Variants in GNB5 observed in about 807,000 individuals in gnomAD.
The protein encoded by GNB5 is G protein subunit beta 5, also known as guanine nucleotide-binding protein subunit beta-5.
In GNB5, 37 loss-of-function variants were observed where a neutral mutation model predicts 55.3. That is an observed-to-expected ratio of 0.67 (90% CI 0.51 to 0.88). The LOEUF (loss-of-function observed/expected upper bound fraction) is 0.88. Among genes scored for constraint, GNB5 ranks in the 40% least tolerant of loss-of-function variants. GNB5 has a pLI of 0.00. For missense variants in GNB5, 476 were observed against 515.3 expected (o/e 0.92, Z 0.74); for synonymous variants, 219 against 198.5 (o/e 1.10, Z -0.87).
chr15:52,183,192 C>T (rs1304601664), intron 2 of GNB5, among the ~76,000 whole-genome samples: 1 of 152,184 alleles, frequency 6.6e-6, no homozygotes, highest in Non-Finnish European at 1.5e-5. Flanking sequence ...GCAACTATTC[C>T]CTAGAAAAGT....
intron 3 of GNB5, among the ~76,000 whole-genome samples, chr15:52,158,048 T>C (rs2034252671): frequency 6.6e-6 from 1 of 152,078 alleles, no homozygotes; most frequent in Non-Finnish European, 1.5e-5. Flanking sequence ...TATAACCAGC[T>C]GGTTTCTATA....
intron 3 of GNB5, among the ~76,000 whole-genome samples, chr15:52,177,842 G>A (rs2034683116): frequency 6.6e-6 from 1 of 152,082 alleles, no homozygotes. Flanking sequence ...CATGACTTCT[G>A]GTCTTTCCAG....
In GNB5 at chr15:52,136,113, AACACACACAC is replaced by A. The variant is rs751263225; in HGVS notation, c.628-367_628-358del. Reference sequence around the variant, plus strand: ...CACACACACACAGGGAAAAGCAGAAAACACACACACACACACACACACACACACACACACA... The same window carrying A: ...CACACACACACAGGGAAAAGCAGAAAACACACACACACACACACACACACA... On this transcript the variant is annotated intron_variant, in intron 7 of 12. Coordinates refer to ENST00000261837, the MANE Select transcript of GNB5 (RefSeq NM_016194.4). Among the ~76,000 whole-genome samples, 364 of 50,726 alleles carry A rather than the reference AACACACACAC, an allele frequency of 7.2e-3. 3 individuals carry two copies. Among genetic ancestry groups the A allele is most frequent in the Admixed American group, 7.3e-3 (27 of 3,708 alleles). 33.3% of individuals were successfully genotyped at this position (50,726 alleles called of 152,430 possible).
At chr15:52,176,737 C>T (rs939349218) in intron 3 of GNB5, among the ~76,000 whole-genome samples, 1 of 152,208 alleles carries the variant, frequency 6.6e-6, no homozygotes, top group Non-Finnish European at 1.5e-5. Context: ...CACTTCATTT[C>T]CCTCCCTCAA....
chr15:52,150,379 T>G (rs143455111), intron 4 of GNB5, among the ~76,000 whole-genome samples: 8 of 152,310 alleles, frequency 5.3e-5, no homozygotes, highest in South Asian at 2.1e-4. Flanking sequence ...CCGATTTGCT[T>G]TGGAGTCCAT....
chr15:52,188,264 C>A (rs746427176), intron 1 of GNB5, among the ~76,000 whole-genome samples: 1 of 152,074 alleles, frequency 6.6e-6, no homozygotes, highest in Non-Finnish European at 1.5e-5. Context: ...GCATTTTAGA[C>A]CTCACTGGTT....
At chr15:52,183,163 C>T (rs143410008) in intron 2 of GNB5, among the ~76,000 whole-genome samples, 1 of 152,320 alleles carries the variant, frequency 6.6e-6, no homozygotes, top group East Asian at 1.9e-4. Flanking sequence ...TTGCCCCAAC[C>T]TAATAGTAGC....
chr15:52,162,852 A>AAAAAC (rs1294016038), intron 3 of GNB5: 1 of 152,182 alleles, frequency 6.6e-6, no homozygotes, highest in East Asian at 1.9e-4. Context: ...ACTAGCCTTA[A>AAAAAC]AAAACAAAAC....
intron 3 of GNB5, among the ~76,000 whole-genome samples, chr15:52,170,666 C>T (rs1050262706): frequency 2.8e-5 from 4 of 143,676 alleles, no homozygotes; most frequent in African/African-American, 1.0e-4. Flanking sequence ...ACCTATGTAA[C>T]AAAACTGCAC....
intron 5 of GNB5, chr15:52,149,412 G>A (rs2034044387): frequency 3.6e-6 from 1 of 276,750 alleles, no homozygotes; most frequent in African/African-American, 2.2e-5. Context: ...GCCCAAGCCA[G>A]ACTTGCAAGG....
chr15:52,162,486 C>G (rs1018939574), intron 3 of GNB5, among the ~76,000 whole-genome samples: 2 of 152,054 alleles, frequency 1.3e-5, no homozygotes, highest in Admixed American at 1.3e-4. Context: ...TGAACAAGCT[C>G]TAAAATATCC....
At chr15:52,173,712 C>A (rs1299558514) in intron 3 of GNB5, among the ~76,000 whole-genome samples, 3 of 152,212 alleles carry the variant, frequency 2.0e-5, no homozygotes, top group African/African-American at 7.2e-5. Flanking sequence ...GAGCTTGAAT[C>A]TTCTCTACTC....
In GNB5 at chr15:52,179,800, T is replaced by G. The variant is rs1282747889; in HGVS notation, c.206A>C (p.Glu69Ala). Residue 69 changes from glutamate to alanine, a missense_variant, in exon 3 of 13, where the codon GAG becomes GCG. Glu to Ala is a moderately radical substitution (Grantham distance 107). Coordinates refer to ENST00000261837, the MANE Select transcript of GNB5 (RefSeq NM_016194.4). ...SEAESLKGKLEEERAKLHDVE... is the reference protein window; with the variant it reads ...SEAESLKGKLAEERAKLHDVE... ...ATCGTGCAGCTTGGCTCGCTCCTCCTCCAGCTTGCCCTTGAGGCTCTCGGC... is the reference window on the plus strand; with the variant it reads ...ATCGTGCAGCTTGGCTCGCTCCTCCGCCAGCTTGCCCTTGAGGCTCTCGGC... The G allele has an allele frequency of 6.5e-7, 1 of 1,532,786 alleles. No individual in the cohort carries two copies. Among genetic ancestry groups the G allele is most frequent in the Admixed American group, 1.9e-5 (1 of 52,972 alleles). The allele number at this position is 1,532,786 out of a possible 1,614,324, so 94.9% of individuals were successfully genotyped here. A position where few individuals can be genotyped will look rare whatever the true frequency, so the allele number is the denominator to read the frequency against.
intron 3 of GNB5, among the ~76,000 whole-genome samples, chr15:52,177,829 C>T (rs747872036): frequency 1.2e-4 from 19 of 152,260 alleles, no homozygotes; most frequent in Middle Eastern, 6.8e-3. Flanking sequence ...AGGGACACAA[C>T]CACATGACTT....
intron 7 of GNB5, chr15:52,137,450 G>C: frequency 9.8e-7 from 1 of 1,020,490 alleles, no homozygotes; most frequent in African/African-American, 1.7e-5. Flanking sequence ...CCGTTCACAG[G>C]TGGGGACTCA....
At position 52,120,292 on chromosome 15, in the gene GNB5, T is replaced by C. The variant is rs1226233537; in HGVS notation, c.*2465A>G. The C allele has an allele frequency of 1.3e-5, 2 of 152,248 alleles. No individual in the cohort carries two copies. The highest frequency in any genetic ancestry group is 4.8e-5 in the African/African-American group (2 of 41,450). 9.4% of individuals were successfully genotyped at this position (152,248 alleles called of 1,614,324 possible). A position where few individuals can be genotyped will look rare whatever the true frequency, so the allele number is the denominator to read the frequency against. Reference sequence around the variant, plus strand: ...AATCTGCAAAATACAATCTATCCCATGGAGCTTACCCCTGAGTCTCCACAT... The same window carrying C: ...AATCTGCAAAATACAATCTATCCCACGGAGCTTACCCCTGAGTCTCCACAT... On this transcript the variant is annotated 3_prime_UTR_variant, in exon 13 of 13. Transcript: ENST00000261837.
Position 52,128,315 on chromosome 15 carries a change from C to G in GNB5, c.864-71G>C. On this transcript the variant is annotated intron_variant, in intron 9 of 12. Coordinates refer to ENST00000261837, the MANE Select transcript of GNB5 (RefSeq NM_016194.4). The stretch of plus-strand genomic sequence containing the variant: ...GGATGCCCATCAGAACCATGCTAGG[C>G]CCTTGGAATCAGAATCTCTATTTCT... 3.2e-6 allele frequency: 3 copies of G among 939,642 alleles called. No homozygotes were observed. The East Asian group carries it at 7.2e-5, about 22-fold the overall frequency. 58.2% of individuals were successfully genotyped at this position (939,642 alleles called of 1,614,324 possible).
intron 3 of GNB5, among the ~76,000 whole-genome samples, chr15:52,176,830 C>CA (rs1270664801): frequency 6.6e-6 from 1 of 152,116 alleles, no homozygotes; most frequent in Non-Finnish European, 1.5e-5. Flanking sequence ...CAAAACCCTC[C>CA]AAGGGTTTCC....
Position 52,176,928 on chromosome 15 carries a change from C to T in GNB5, c.238+2840G>A, listed in dbSNP as rs1402909493. Among the ~76,000 whole-genome samples, 3 of 152,084 alleles carry T rather than the reference C, an allele frequency of 2.0e-5. No individual in the cohort carries two copies. In the East Asian group the frequency reaches 5.8e-4, roughly 29 times the overall value. On this transcript the variant is annotated intron_variant, in intron 3 of 12. Transcript: ENST00000261837. Reference sequence around the variant, plus strand: ...AGCATAACCTGCAGCTGGACTCTGCCCTGCATACTCCCCTCCAGACACACC... The same window carrying T: ...AGCATAACCTGCAGCTGGACTCTGCTCTGCATACTCCCCTCCAGACACACC...
Sources: gnomAD v4.1 joint callset for allele counts (sites outside exome capture counted in the v4.1 genomes callset) on GRCh38, gnomAD v4.1.1 for gene constraint, MANE v1.5 for transcripts, NCBI Gene and HGNC (gene_info 2026-07-23, HGNC 2026-07-21) for gene names.